NFIB: variants seen among roughly 807,000 people sequenced by gnomAD.
The protein encoded by NFIB is nuclear factor I B.
A neutral mutation model predicts 61.5 loss-of-function variants in NFIB; 11 were observed. The observed-to-expected ratio is 0.18, with a 90% confidence interval of 0.11 to 0.30. The LOEUF (loss-of-function observed/expected upper bound fraction) is 0.30. Among genes scored for constraint, NFIB ranks in the 10% least tolerant of loss-of-function variants. NFIB has a pLI of 1.00. For missense variants in NFIB, 471 were observed against 608.9 expected (o/e 0.77, Z 2.38); for synonymous variants, 260 against 216.5 (o/e 1.20, Z -1.76).
At chr9:14,169,355 G>C (rs1482697371) in intron 3 of NFIB, among the ~76,000 whole-genome samples, 2 of 152,036 alleles carry the variant, frequency 1.3e-5, no homozygotes, top group Admixed American at 1.3e-4. Flanking sequence ...AGTGGAATCA[G>C]GAATTAAAAT....
chr9:14,479,484 C>T, the NFIB span, among the ~76,000 whole-genome samples: 6 of 152,188 alleles, frequency 3.9e-5, no homozygotes, highest in East Asian at 1.9e-4. Flanking sequence ...AGCCCTGAGG[C>T]TTAATGCTAG....
At chr9:14,531,652 G>C in the NFIB span, among the ~76,000 whole-genome samples, 3 of 151,188 alleles carry the variant, frequency 2.0e-5, no homozygotes, top group East Asian at 5.9e-4. Context: ...CACAGCAGCC[G>C]GCCTGGGACC....
At chr9:14,368,940 G>A (rs1302050714) in intron 1 of NFIB, among the ~76,000 whole-genome samples, 3 of 152,142 alleles carry the variant, frequency 2.0e-5, no homozygotes, top group African/African-American at 4.8e-5. Context: ...CAGGTTTGGT[G>A]TAAAAATTAA....
At position 14,232,920 on chromosome 9, in the gene NFIB, A is replaced by G. The variant is rs16931496; in HGVS notation, c.563-53140T>C. Among the ~76,000 whole-genome samples, 1,253 of 152,342 alleles carry G rather than the reference A, an allele frequency of 8.2e-3. 16 individuals are homozygous for G. The highest frequency in any genetic ancestry group is 0.028 in the African/African-American group (1,168 of 41,578). ...ACCTATTTGCAGAGGTCTCTAAAGC[A>G]GAGTCCACAGTGGCCAGGGCCCATC... On this transcript the variant is annotated intron_variant, in intron 2 of 10. Coordinates refer to ENST00000380953, the MANE Select transcript of NFIB (RefSeq NM_001190737.2).
chr9:14,224,093 C>G (rs909058114), intron 2 of NFIB, among the ~76,000 whole-genome samples: 2 of 152,214 alleles, frequency 1.3e-5, no homozygotes, highest in African/African-American at 2.4e-5. Context: ...ATTACGCCTT[C>G]CAGTCCCCAC....
intron 2 of NFIB, among the ~76,000 whole-genome samples, chr9:14,242,299 G>A (rs569047182): frequency 6.6e-6 from 1 of 152,290 alleles, no homozygotes; most frequent in South Asian, 2.1e-4. Flanking sequence ...CTCTCTAGAA[G>A]TTTGAAAAGT....
the NFIB span, among the ~76,000 whole-genome samples, chr9:14,512,791 T>C: frequency 3.3e-5 from 5 of 152,150 alleles, no homozygotes; most frequent in Non-Finnish European, 7.4e-5. Flanking sequence ...GTCTTTCTTT[T>C]CTCTGTCACG....
At chr9:14,169,385 T>A (rs2045308567) in intron 3 of NFIB, among the ~76,000 whole-genome samples, 1 of 151,636 alleles carries the variant, frequency 6.6e-6, no homozygotes. Flanking sequence ...AAAACAGGAG[T>A]TTGGTATGAA....
At chr9:14,353,622 A>C (rs2061140305) in intron 1 of NFIB, among the ~76,000 whole-genome samples, 1 of 152,158 alleles carries the variant, frequency 6.6e-6, no homozygotes, top group Admixed American at 6.5e-5. Flanking sequence ...TTCATTCTTC[A>C]ATACCTGTCA....
intron 1 of NFIB, among the ~76,000 whole-genome samples, chr9:14,366,265 C>T (rs958538282): frequency 1.3e-5 from 2 of 152,138 alleles, no homozygotes; most frequent in Admixed American, 1.3e-4. Flanking sequence ...GCCCGTGCAA[C>T]CACTTTCTTT....
the NFIB span, among the ~76,000 whole-genome samples, chr9:14,467,926 A>G: frequency 1.2e-4 from 19 of 152,386 alleles, no homozygotes; most frequent in Non-Finnish European, 2.5e-4. Context: ...GGTGGAAATG[A>G]TCAAGCCCTG....
the NFIB span, among the ~76,000 whole-genome samples, chr9:14,511,313 T>A: frequency 6.6e-6 from 1 of 152,210 alleles, no homozygotes; most frequent in South Asian, 2.1e-4. Flanking sequence ...TTTTGAGGAT[T>A]TTACACTTGA....
In NFIB at chr9:14,088,347, G is replaced by A. The variant is rs183602702; in HGVS notation, c.1468-21C>T. 1,529 of 1,489,030 alleles carry A rather than the reference G, an allele frequency of 1.0e-3. 3 individuals are homozygous for A. The highest frequency in any genetic ancestry group is 1.2e-3 in the Non-Finnish European group (1,327 of 1,108,886). 92.2% of individuals were successfully genotyped at this position (1,489,030 alleles called of 1,614,324 possible). Reference sequence around the variant, plus strand: ...CAGGACTGTTGAGAGGAGAGAGGCAGCAGGGAGGGAAGAAAAAAGAAAAAA... The same window carrying A: ...CAGGACTGTTGAGAGGAGAGAGGCAACAGGGAGGGAAGAAAAAAGAAAAAA... On this transcript the variant is annotated intron_variant, in intron 10 of 10. Coordinates refer to ENST00000380953, the MANE Select transcript of NFIB (RefSeq NM_001190737.2).
At chr9:14,434,598 C>T in the NFIB span, among the ~76,000 whole-genome samples, 55 of 152,298 alleles carry the variant, frequency 3.6e-4, no homozygotes, top group Non-Finnish European at 4.3e-4. Context: ...AGCTAGTTTT[C>T]TCCCCGCCAG....
chr9:14,086,789 T>G lies in NFIB; in HGVS notation c.*1520A>C, dbSNP rs1281678639. On this transcript the variant is annotated 3_prime_UTR_variant, in exon 11 of 11. Coordinates refer to ENST00000380953, the MANE Select transcript of NFIB (RefSeq NM_001190737.2). ...TTTGTTGTATTTTTTTGTTTTTTTT[T>G]TTTTGTTTTTTGTTTTTTAGATTTC... 9.7e-6 allele frequency: 2 copies of G among 206,406 alleles called. No individual in the cohort carries two copies. The highest frequency in any genetic ancestry group is 2.3e-5 in the African/African-American group (1 of 43,758). The allele number at this position is 206,406 out of a possible 1,614,324, so 12.8% of individuals were successfully genotyped here.
At chr9:14,511,799 T>C in the NFIB span, among the ~76,000 whole-genome samples, 1 of 152,244 alleles carries the variant, frequency 6.6e-6, no homozygotes, top group African/African-American at 2.4e-5. Flanking sequence ...TTAATGTTTA[T>C]ACATTTATAA....
chr9:14,429,091 G>C, the NFIB span, among the ~76,000 whole-genome samples: 1 of 152,134 alleles, frequency 6.6e-6, no homozygotes, highest in Non-Finnish European at 1.5e-5. Flanking sequence ...TCAAATGACA[G>C]AGCTTAGGTG....
chr9:14,465,600 C>T, the NFIB span, among the ~76,000 whole-genome samples: 2 of 151,610 alleles, frequency 1.3e-5, no homozygotes, highest in Non-Finnish European at 2.9e-5. Flanking sequence ...CACACACACA[C>T]ACACACACGC....
chr9:14,350,459 C>A (rs2061093218), intron 1 of NFIB, among the ~76,000 whole-genome samples: 1 of 140,144 alleles, frequency 7.1e-6, no homozygotes, highest in Non-Finnish European at 1.6e-5. Context: ...TGCCTCGCTG[C>A]AAATCGCCAC....
Sources: allele counts gnomAD v4.1 joint callset (sites outside exome capture counted in the v4.1 genomes callset), GRCh38; gene constraint gnomAD v4.1.1; transcripts MANE v1.5; gene names NCBI Gene and HGNC (gene_info 2026-07-23, HGNC 2026-07-21).